WNK1: variants seen among roughly 807,000 people sequenced by gnomAD.
The protein encoded by WNK1 is WNK lysine deficient protein kinase 1.
A neutral mutation model predicts 222.8 loss-of-function variants in WNK1; 38 were observed. That is an observed-to-expected ratio of 0.17 (90% CI 0.13 to 0.22). WNK1 has a LOEUF of 0.22. WNK1 is among the 10% of genes least tolerant of loss of function. The pLI is 1.00. For synonymous variants in WNK1, 1,090 were observed against 1,092.9 expected (o/e 1.00, Z 0.05); for missense variants, 2,348 against 2,918.4 (o/e 0.80, Z 4.50).
chr12:843,117 G>A (rs556410687), intron 4 of WNK1, among the ~76,000 whole-genome samples: 5 of 152,026 alleles, frequency 3.3e-5, no homozygotes, highest in Non-Finnish European at 7.4e-5. Context: ...TGTATTTTTA[G>A]TTAAAACGGG....
Position 753,348 on chromosome 12 carries a change from G to C in WNK1, c.-218G>C, listed in dbSNP as rs1055729979. ...TCGCCCGCCTTCGAGCCCTCCTCGT[G>C]AGCCGCAGCAGCCTCGGTGCCAGCC... On this transcript the variant is annotated 5_prime_UTR_variant, in exon 1 of 28. Coordinates refer to ENST00000315939, the MANE Select transcript of WNK1 (RefSeq NM_018979.4). The surrounding 1 kb of genome is among the most constrained non-coding windows in gnomAD (Gnocchi z 5.2). 2 of 612,284 alleles carry C rather than the reference G, an allele frequency of 3.3e-6. No individual in the cohort carries two copies. The highest frequency in any genetic ancestry group is 3.8e-5 in the African/African-American group (2 of 52,026). The allele number at this position is 612,284 out of a possible 1,614,324, so 37.9% of individuals were successfully genotyped here. A position where few individuals can be genotyped will look rare whatever the true frequency, so the allele number is the denominator to read the frequency against.
chr12:902,205 G>A (rs1414952577), intron 26 of WNK1, among the ~76,000 whole-genome samples: 7 of 151,838 alleles, frequency 4.6e-5, no homozygotes, highest in South Asian at 2.1e-4. Flanking sequence ...AGGCTGAGGC[G>A]GGAGGATTAC....
At chr12:881,418 T>C in intron 12 of WNK1, 1 of 503,980 alleles carries the variant, frequency 2.0e-6, no homozygotes, top group African/African-American at 1.9e-5. Flanking sequence ...CTTGGTAAGA[T>C]GCTGGCTGCA....
intron 8 of WNK1, among the ~76,000 whole-genome samples, chr12:870,948 T>G (rs1024567084): frequency 6.6e-6 from 1 of 152,244 alleles, no homozygotes; most frequent in Non-Finnish European, 1.5e-5. Flanking sequence ...GATTATTGTA[T>G]TTCTAATAAC....
chr12:795,254 T>G (rs570313331), intron 1 of WNK1, among the ~76,000 whole-genome samples: 13 of 152,112 alleles, frequency 8.5e-5, no homozygotes, highest in Non-Finnish European at 1.8e-4. Context: ...AATTACTAAT[T>G]CAGTCTCCTT....
intron 4 of WNK1, among the ~76,000 whole-genome samples, chr12:843,263 G>GT (rs1437463474): frequency 6.6e-6 from 1 of 152,118 alleles, no homozygotes; most frequent in East Asian, 1.9e-4. Context: ...GTTCAGCATG[G>GT]TATCAGTAAT....
At chr12:831,479 A>G (rs1948788305) in intron 4 of WNK1, among the ~76,000 whole-genome samples, 1 of 151,970 alleles carries the variant, frequency 6.6e-6, no homozygotes, top group Non-Finnish European at 1.5e-5. Context: ...TGGAGGTTGC[A>G]GTGAGCCAAG....
chr12:887,772 G>A (rs963012380), intron 20 of WNK1, among the ~76,000 whole-genome samples: 3 of 152,162 alleles, frequency 2.0e-5, no homozygotes, highest in Non-Finnish European at 4.4e-5. Context: ...GCCACCTAAT[G>A]AAGGAATTAG....
intron 4 of WNK1, chr12:851,805 T>A (rs1454409766): frequency 7.6e-7 from 1 of 1,322,954 alleles, no homozygotes; most frequent in South Asian, 1.2e-5. Flanking sequence ...TTCCAGTATA[T>A]GTAACAGTTT....
chr12:837,273 G>A (rs1949257701), intron 4 of WNK1, among the ~76,000 whole-genome samples: 1 of 152,108 alleles, frequency 6.6e-6, no homozygotes, highest in Admixed American at 6.5e-5. Context: ...TGTATGAGTG[G>A]TTGAAATACA....
rs966380843 is a variant in WNK1 at position 790,393 on chromosome 12, C to T, written c.760-23249C>T. Among the ~76,000 whole-genome samples, 7 of 152,174 alleles carry T rather than the reference C, an allele frequency of 4.6e-5. No homozygotes were observed. The South Asian group carries it at 6.2e-4, about 14-fold the overall frequency. On this transcript the variant is annotated intron_variant, in intron 1 of 27. Transcript: ENST00000315939. ...TGGTGGGATTACAGGCATGAGTCAC[C>T]GTGCCACATCTGGAGAAAGTGGTCT...
chr12:821,172 T>C (rs1947849824), intron 2 of WNK1, among the ~76,000 whole-genome samples: 1 of 152,070 alleles, frequency 6.6e-6, no homozygotes, highest in Non-Finnish European at 1.5e-5. Context: ...AATTTTCTTA[T>C]GTTGAATCAC....
chr12:762,861 C>G (rs1941214671), intron 1 of WNK1, among the ~76,000 whole-genome samples: 1 of 146,708 alleles, frequency 6.8e-6, no homozygotes, highest in Admixed American at 6.8e-5. Context: ...ATTCTCCTGC[C>G]TCAGCCTCCC....
intron 5 of WNK1, among the ~76,000 whole-genome samples, chr12:858,729 A>G (rs1240415495): frequency 6.6e-6 from 1 of 152,188 alleles, no homozygotes; most frequent in East Asian, 1.9e-4. Context: ...TGTGAGCAAG[A>G]TTCTCAACCT....
chr12:907,769 C>A, intron 26 of WNK1, 78 bp from the exon 27 acceptor site: 1 of 1,525,534 alleles, frequency 6.6e-7, no homozygotes, highest in Non-Finnish European at 9.1e-7. Context: ...TGCCATTCAT[C>A]ATCCCGTGAA....
intron 26 of WNK1, among the ~76,000 whole-genome samples, chr12:903,400 G>A (rs1955436378): frequency 6.6e-6 from 1 of 152,020 alleles, no homozygotes; most frequent in African/African-American, 2.4e-5. Context: ...TTTGACAGTT[G>A]AATAAGCATT....
chr12:864,196 C>T (rs777548122), intron 8 of WNK1, among the ~76,000 whole-genome samples: 3 of 150,928 alleles, frequency 2.0e-5, no homozygotes, highest in Non-Finnish European at 2.9e-5. Flanking sequence ...CAACTTTCAC[C>T]TCCTGGGTTC....
chr12:885,430 C>T lies in WNK1; in HGVS notation c.4626C>T (p.Phe1542=). Residue 1542 remains phenylalanine (F), a synonymous_variant, in exon 19 of 28, where the codon TTC becomes TTT. Transcript: ENST00000315939. The part of the protein sequence containing the change: ...TSHSSTTGLA[F]SLSAPSSSSS... ...ATAGCAGTACAACTGGATTGGCTTT[C>T]TCCCTCTCTGCACCATCTTCCTCTT... 6.2e-7 allele frequency: 1 copy of T among 1,613,772 alleles called. No homozygotes were observed. The highest frequency in any genetic ancestry group is 1.3e-5 in the African/African-American group (1 of 75,034).
At chr12:793,042 C>T (rs529744090) in intron 1 of WNK1, among the ~76,000 whole-genome samples, 2 of 152,248 alleles carry the variant, frequency 1.3e-5, no homozygotes, top group African/African-American at 2.4e-5. Flanking sequence ...AACTAAGTCA[C>T]GGTAGCTGCT....
Sources: gnomAD v4.1 joint callset for allele counts (sites outside exome capture counted in the v4.1 genomes callset) on GRCh38, gnomAD v4.1.1 for gene constraint, Gnocchi (gnomAD v3.1) non-coding constraint, MANE v1.5 for transcripts, NCBI Gene and HGNC (gene_info 2026-07-23, HGNC 2026-07-21) for gene names.